Variants in EXOC6B observed in about 807,000 individuals in gnomAD.
EXOC6B encodes the protein exocyst complex component 6B.
In EXOC6B, 54 loss-of-function variants were observed where a neutral mutation model predicts 113.5. The observed-to-expected ratio is 0.48, with a 90% CI of 0.38 to 0.60. The LOEUF (loss-of-function observed/expected upper bound fraction) is 0.60. EXOC6B is among the 20% of genes least tolerant of loss of function. The pLI is 0.00. For synonymous variants in EXOC6B, 357 were observed against 339.0 expected, an observed-to-expected ratio of 1.05 and a Z score of -0.58; for missense variants, 797 against 977.5, an observed-to-expected ratio of 0.82 and a Z score of 2.46.
At chr2:72,482,317 A>G (rs976853919) in intron 16 of EXOC6B, among the ~76,000 whole-genome samples, 2 of 152,244 alleles carry the variant, frequency 1.3e-5, no homozygotes, top group African/African-American at 2.4e-5. Context: ...TTAGAGTCTA[A>G]AAGAAATACA....
At chr2:72,337,109 C>T (rs1688735550) in intron 19 of EXOC6B, among the ~76,000 whole-genome samples, 1 of 151,882 alleles carries the variant, frequency 6.6e-6, no homozygotes, top group South Asian at 2.1e-4. Flanking sequence ...TCTACAATAG[C>T]CAATATCTGT....
intron 18 of EXOC6B, among the ~76,000 whole-genome samples, chr2:72,400,986 C>T (rs1182060891): frequency 8.6e-5 from 13 of 151,908 alleles, no homozygotes; most frequent in African/African-American, 2.2e-4. Flanking sequence ...AAGATACCTA[C>T]GTTCATATAT....
At chr2:72,648,965 A>T (rs545602540) in intron 6 of EXOC6B, among the ~76,000 whole-genome samples, 1 of 152,168 alleles carries the variant, frequency 6.6e-6, no homozygotes, top group South Asian at 2.1e-4. Flanking sequence ...AGATGGTGAG[A>T]CCCCTGTCTC....
At chr2:72,497,786 T>C (rs1459531252) in intron 13 of EXOC6B, among the ~76,000 whole-genome samples, 1 of 152,086 alleles carries the variant, frequency 6.6e-6, no homozygotes, top group Non-Finnish European at 1.5e-5. Flanking sequence ...GCATAATCAC[T>C]TAAAGTAAAG....
In EXOC6B at chr2:72,773,911, C is replaced by A. The variant is rs149285896; in HGVS notation, c.114-32442G>T. On this transcript the variant is annotated intron_variant, in intron 1 of 21. Coordinates refer to ENST00000272427, the MANE Select transcript of EXOC6B (RefSeq NM_015189.3). Reference sequence around the variant, plus strand: ...TTTCAGATAATTTTATATAAATATTCTTTGGTATAATTTTAGAATGTGACA... The same window carrying A: ...TTTCAGATAATTTTATATAAATATTATTTGGTATAATTTTAGAATGTGACA... Among the ~76,000 whole-genome samples, 1,191 of 152,212 alleles carry A rather than the reference C, an allele frequency of 7.8e-3. 53 individuals carry two copies. Among genetic ancestry groups the A allele is most frequent in the Admixed American group, 0.068 (1,039 of 15,278 alleles).
chr2:72,688,517 G>A (rs1677247942), intron 6 of EXOC6B, among the ~76,000 whole-genome samples: 1 of 151,982 alleles, frequency 6.6e-6, no homozygotes, highest in African/African-American at 2.4e-5. Flanking sequence ...TGAGTTATGA[G>A]CTGAGGACTA....
intron 8 of EXOC6B, among the ~76,000 whole-genome samples, chr2:72,540,473 T>G (rs1017947329): frequency 1.3e-5 from 2 of 152,228 alleles, no homozygotes; most frequent in Non-Finnish European, 2.9e-5. Context: ...CTTAACCATT[T>G]GAAATTATGT....
chr2:72,724,682 G>C (rs1296485249), intron 5 of EXOC6B, among the ~76,000 whole-genome samples: 1 of 151,902 alleles, frequency 6.6e-6, no homozygotes. Flanking sequence ...ACAGCAATTA[G>C]AACAATGTAC....
chr2:72,679,136 G>A (rs376952565), intron 6 of EXOC6B, among the ~76,000 whole-genome samples: 2 of 151,704 alleles, frequency 1.3e-5, no homozygotes, highest in South Asian at 2.1e-4. Flanking sequence ...GCGTGATCTC[G>A]GCTCACTGCA....
chr2:72,552,144 A>G (rs1360707158), intron 8 of EXOC6B, among the ~76,000 whole-genome samples: 1 of 152,216 alleles, frequency 6.6e-6, no homozygotes, highest in Non-Finnish European at 1.5e-5. Context: ...ACTGGCGGAT[A>G]TAACATTAAA....
intron 16 of EXOC6B, among the ~76,000 whole-genome samples, chr2:72,487,633 A>G (rs1699507530): frequency 6.6e-6 from 1 of 152,136 alleles, no homozygotes; most frequent in Non-Finnish European, 1.5e-5. Flanking sequence ...TGTTGGGATC[A>G]CAGGCGTGAG....
chr2:72,601,925 T>C (rs1057383357), intron 6 of EXOC6B, among the ~76,000 whole-genome samples: 1 of 152,328 alleles, frequency 6.6e-6, no homozygotes, highest in Non-Finnish European at 1.5e-5. Context: ...GAAGGCTAGA[T>C]ACTGTATGAT....
intron 6 of EXOC6B, among the ~76,000 whole-genome samples, chr2:72,617,668 C>A (rs1671479687): frequency 6.6e-6 from 1 of 151,756 alleles, no homozygotes; most frequent in African/African-American, 2.4e-5. Context: ...GCCCACCACA[C>A]CATGCCCTGC....
rs754991406 is a variant in EXOC6B, at chr2:72,321,409, C to A, written c.2196+13538G>T. Among the ~76,000 whole-genome samples the A allele has an allele frequency of 5.3e-5, 8 of 151,952 alleles. No homozygotes were observed. In the East Asian group the frequency reaches 1.4e-3, roughly 26 times the overall value. On this transcript the variant is annotated intron_variant, in intron 20 of 21. Coordinates refer to ENST00000272427, the MANE Select transcript of EXOC6B (RefSeq NM_015189.3). ...AATTAGCTGGGCATGGTGGTGAGCA[C>A]CTGTAGTCCCAGCTACTCGGGAGGC... is the stretch of plus-strand genomic sequence containing the variant.
intron 6 of EXOC6B, among the ~76,000 whole-genome samples, chr2:72,576,175 T>C (rs555679328): frequency 1.2e-3 from 183 of 152,190 alleles, no homozygotes; most frequent in African/African-American, 4.2e-3. Flanking sequence ...TATGTGGATA[T>C]AAGAGACCAA....
chr2:72,286,620 A>G (rs1026319186), intron 20 of EXOC6B, among the ~76,000 whole-genome samples: 3 of 152,146 alleles, frequency 2.0e-5, no homozygotes, highest in African/African-American at 7.2e-5. Context: ...CAACATCAAG[A>G]GTGAGCCCTC....
chr2:72,420,214 AT>A (rs1694787696), intron 18 of EXOC6B, among the ~76,000 whole-genome samples: 2 of 150,416 alleles, frequency 1.3e-5, no homozygotes, highest in African/African-American at 4.9e-5. Flanking sequence ...TTTTTTCCAC[AT>A]TTTTGTGTAG....
chr2:72,586,645 G>A (rs906616049), intron 6 of EXOC6B, among the ~76,000 whole-genome samples: 8 of 152,056 alleles, frequency 5.3e-5, no homozygotes, highest in African/African-American at 1.9e-4. Flanking sequence ...CCAGCTACTT[G>A]GAAGGCTGAG....
chr2:72,495,130 T>C (rs182704518), intron 15 of EXOC6B, among the ~76,000 whole-genome samples: 8 of 152,204 alleles, frequency 5.3e-5, no homozygotes, highest in African/African-American at 1.9e-4. Flanking sequence ...AGTGCTAGGA[T>C]TACAAAAATG....
Sources: gnomAD v4.1 joint callset for allele counts (sites outside exome capture counted in the v4.1 genomes callset) on GRCh38, gnomAD v4.1.1 for gene constraint, MANE v1.5 for transcripts, NCBI Gene and HGNC (gene_info 2026-07-23, HGNC 2026-07-21) for gene names.